Variants in ARFIP1 observed in about 807,000 individuals in gnomAD.
ARFIP1 encodes ARF interacting protein 1, also known as arfaptin-1.
ARFIP1 carries 24 observed loss-of-function variants against 42.5 expected under a neutral mutation model. The ratio of observed to expected loss-of-function variants is 0.57; its 90% confidence interval spans 0.41 to 0.80. The LOEUF is 0.80. ARFIP1 is among the 30% of genes least tolerant of loss of function. The pLI is 0.00. For missense variants in ARFIP1, 354 were observed against 434.0 expected (o/e 0.82, Z 1.64); for synonymous variants, 141 against 153.7 (o/e 0.92, Z 0.61).
intron 1 of ARFIP1, among the ~76,000 whole-genome samples, chr4:152,791,084 G>A (rs1731125179): frequency 6.6e-6 from 1 of 152,040 alleles, no homozygotes; most frequent in South Asian, 2.1e-4. Flanking sequence ...TTATCAATAT[G>A]TAAAAGAACT....
intron 3 of ARFIP1, among the ~76,000 whole-genome samples, chr4:152,867,082 C>CAAA (rs1734456914): frequency 1.3e-5 from 2 of 151,780 alleles, no homozygotes; most frequent in African/African-American, 4.9e-5. Context: ...CTCCTCACTT[C>CAAA]CCAGACGGGG....
At chr4:152,828,829 C>G (rs1731043496) in intron 1 of ARFIP1, among the ~76,000 whole-genome samples, 1 of 152,154 alleles carries the variant, frequency 6.6e-6, no homozygotes, top group Non-Finnish European at 1.5e-5. Flanking sequence ...CTCCTATGCT[C>G]TCTTTATGAG....
At chr4:152,886,324 G>A (rs1031734992) in intron 7 of ARFIP1, among the ~76,000 whole-genome samples, 4 of 151,820 alleles carry the variant, frequency 2.6e-5, no homozygotes, top group African/African-American at 9.7e-5. Context: ...TTCTCCTACT[G>A]GATTAAATTT....
intron 8 of ARFIP1, among the ~76,000 whole-genome samples, chr4:152,896,455 C>T (rs1344005861): frequency 6.6e-6 from 1 of 151,926 alleles, no homozygotes; most frequent in Non-Finnish European, 1.5e-5. Context: ...GAAAACTCCT[C>T]AGGACAGACA....
intron 2 of ARFIP1, among the ~76,000 whole-genome samples, chr4:152,862,772 T>C (rs1249495311): frequency 6.6e-6 from 1 of 152,222 alleles, no homozygotes; most frequent in Non-Finnish European, 1.5e-5. Context: ...GTCATGTGGA[T>C]AGGCCAGATT....
chr4:152,893,719 T>C (rs2149902512), intron 8 of ARFIP1, among the ~76,000 whole-genome samples: 1 of 152,290 alleles, frequency 6.6e-6, no homozygotes, highest in African/African-American at 2.4e-5. Context: ...TATATTTTAG[T>C]GACTTAAAGG....
At chr4:152,872,126 G>A (rs1734935135) in intron 4 of ARFIP1, among the ~76,000 whole-genome samples, 1 of 152,064 alleles carries the variant, frequency 6.6e-6, no homozygotes, top group Non-Finnish European at 1.5e-5. Context: ...TATAAAATTA[G>A]TTGTGGAAAT....
Position 152,866,332 on chromosome 4 carries a change from A to G in ARFIP1, c.202+2618A>G, listed in dbSNP as rs534733851. Among the ~76,000 whole-genome samples, 982 of 152,268 alleles carry G rather than the reference A, an allele frequency of 6.4e-3. 3 individuals are homozygous for G. Among genetic ancestry groups the G allele is most frequent in the Non-Finnish European group, 0.01 (692 of 68,002 alleles). On this transcript the variant is annotated intron_variant, in intron 3 of 8. Transcript: ENST00000353617. ...TTTTCCCCACCTTTCCCCCTTTTCT[A>G]TTCCACAAAACCGCCATTGTCATCA...
chr4:152,796,005 G>C (rs936712129), intron 1 of ARFIP1: 2 of 608,282 alleles, frequency 3.3e-6, no homozygotes, highest in Admixed American at 2.2e-5. Context: ...AAACATTACA[G>C]TAATGGTAGT....
At chr4:152,816,731 A>T (rs958559213) in intron 1 of ARFIP1, among the ~76,000 whole-genome samples, 1 of 152,248 alleles carries the variant, frequency 6.6e-6, no homozygotes, top group East Asian at 1.9e-4. Context: ...AATTGTACCT[A>T]GCACATTATA....
chr4:152,894,422 A>G (rs754161485), intron 8 of ARFIP1, among the ~76,000 whole-genome samples: 6 of 152,354 alleles, frequency 3.9e-5, no homozygotes. Flanking sequence ...ACAAGGAGAT[A>G]GATACATTCT....
chr4:152,817,589 A>C (rs1382523344), intron 1 of ARFIP1, among the ~76,000 whole-genome samples: 1 of 152,240 alleles, frequency 6.6e-6, no homozygotes, highest in Non-Finnish European at 1.5e-5. Flanking sequence ...AAGCAACAAA[A>C]GTAAAAATAG....
intron 1 of ARFIP1, among the ~76,000 whole-genome samples, chr4:152,786,769 A>G (rs1578795098): frequency 6.6e-6 from 1 of 152,222 alleles, no homozygotes; most frequent in South Asian, 2.1e-4. Flanking sequence ...CATGTTCTGC[A>G]TAACTCTCCA....
chr4:152,833,236 A>G (rs1034552154), intron 2 of ARFIP1, among the ~76,000 whole-genome samples: 1 of 115,150 alleles, frequency 8.7e-6, no homozygotes, highest in African/African-American at 2.8e-5. Flanking sequence ...TTGAGTAGAC[A>G]TTTTTCAAAA....
intron 2 of ARFIP1, among the ~76,000 whole-genome samples, chr4:152,838,915 G>T (rs553320848): frequency 1.3e-5 from 2 of 152,226 alleles, no homozygotes; most frequent in South Asian, 2.1e-4. Flanking sequence ...TGGCTGTGGG[G>T]TTTCTCATAG....
intron 8 of ARFIP1, among the ~76,000 whole-genome samples, chr4:152,900,700 G>C (rs1445910126): frequency 6.6e-6 from 1 of 152,106 alleles, no homozygotes; most frequent in East Asian, 1.9e-4. Flanking sequence ...TTATTCTTCT[G>C]ATCTCTTTCT....
intron 7 of ARFIP1, among the ~76,000 whole-genome samples, chr4:152,884,277 G>A (rs1736092548): frequency 1.3e-5 from 2 of 152,028 alleles, no homozygotes; most frequent in South Asian, 4.1e-4. Context: ...AACATTCTCA[G>A]TAATTGGTGT....
intron 8 of ARFIP1, among the ~76,000 whole-genome samples, chr4:152,892,203 T>C (rs937463108): frequency 6.6e-6 from 1 of 152,120 alleles, no homozygotes; most frequent in Non-Finnish European, 1.5e-5. Context: ...CACCACATCC[T>C]GCTAGTCATC....
At chr4:152,822,296 T>TAAAAAAAAAAAAGAAAA (rs1730440220) in intron 1 of ARFIP1, among the ~76,000 whole-genome samples, 1 of 65,580 alleles carries the variant, frequency 1.5e-5, no homozygotes, top group Admixed American at 1.7e-4. Flanking sequence ...GCAACAGCAG[T>TAAAAAAAAAAAAGAAAA]AAAAAAAAAA....
Sources: gnomAD v4.1 joint callset for allele counts (sites outside exome capture counted in the v4.1 genomes callset) on GRCh38, gnomAD v4.1.1 for gene constraint, MANE v1.5 for transcripts, NCBI Gene and HGNC (gene_info 2026-07-23, HGNC 2026-07-21) for gene names.